SHROOM2: variants seen among roughly 807,000 people sequenced by gnomAD.
SHROOM2 encodes protein Shroom2.
A neutral mutation model predicts 75.9 loss-of-function variants in SHROOM2; 33 were observed. That is an observed-to-expected ratio of 0.43 (90% CI 0.33 to 0.58). The LOEUF (loss-of-function observed/expected upper bound fraction) is 0.58, where lower values mean the gene tolerates loss of function less well. SHROOM2 is among the 20% of genes least tolerant of loss of function. SHROOM2 has a pLI of 0.04. For synonymous variants in SHROOM2, 655 were observed against 663.6 expected (o/e 0.99, Z 0.20); for missense variants, 1,434 against 1,461.2 (o/e 0.98, Z 0.30).
intron 5 of SHROOM2, among the ~76,000 whole-genome samples, chrX:9,928,743 C>G (rs181531016): frequency 0.013 from 1,399 of 110,635 alleles, 29 homozygotes; most frequent in African/African-American, 0.044. Context: ...ACATACACAA[C>G]CCAGGCGTAC....
At chrX:9,917,030 G>A (rs1264652556) in intron 5 of SHROOM2, among the ~76,000 whole-genome samples, 1 of 111,818 alleles carries the variant, frequency 8.9e-6, no homozygotes, top group Non-Finnish European at 1.9e-5. Context: ...CGCAGAAGGT[G>A]TAGCCACCAG....
In SHROOM2 at chrX:9,895,137, CCTCTCTGTCCAG is replaced by C. The variant is rs766429043; in HGVS notation, c.1233_1244del (p.Leu412_Ser415del). 1,906 of 1,210,774 alleles carry C rather than the reference CCTCTCTGTCCAG, an allele frequency of 1.6e-3. 15 individuals are homozygous for C. In the East Asian group the frequency reaches 0.036, roughly 23 times the overall value. ...GATGGAGCTTCCAGTAGGCTGCAGG[CCTCTCTGTCCAG>C]CTCAGATGTGCGCTTCCCTCAGTCT... is the stretch of plus-strand genomic sequence containing the variant. On this transcript the variant is annotated inframe_deletion, in exon 4 of 10. Transcript: ENST00000380913.
At chrX:9,867,572 AT>A (rs1220929211) in intron 1 of SHROOM2, among the ~76,000 whole-genome samples, 1 of 111,636 alleles carries the variant, frequency 9.0e-6, no homozygotes, top group African/African-American at 3.3e-5. Context: ...AATGAGCATC[AT>A]TGTGATGCTA....
intron 1 of SHROOM2, among the ~76,000 whole-genome samples, chrX:9,794,348 G>GTCTTC (rs60316813): frequency 2.7e-3 from 296 of 110,521 alleles, no homozygotes; most frequent in Non-Finnish European, 3.6e-3. Context: ...TAATAAATTA[G>GTCTTC]TCTTCTCTTC....
At chrX:9,811,105 A>G (rs2083789404) in intron 1 of SHROOM2, among the ~76,000 whole-genome samples, 1 of 111,910 alleles carries the variant, frequency 8.9e-6, no homozygotes, top group Admixed American at 9.5e-5. Context: ...AGTGAGGACA[A>G]CCCTCTGCCC....
chrX:9,820,852 T>G (rs1333467069), intron 1 of SHROOM2, among the ~76,000 whole-genome samples: 3 of 112,358 alleles, frequency 2.7e-5, no homozygotes, highest in Non-Finnish European at 5.6e-5. Context: ...GAGTAAATAT[T>G]TTTGGCTCTG....
chrX:9,902,177 G>A (rs1219588978), intron 5 of SHROOM2, among the ~76,000 whole-genome samples: 3 of 110,779 alleles, frequency 2.7e-5, no homozygotes, highest in Admixed American at 1.9e-4. Flanking sequence ...GTGTATGGAT[G>A]GATGGATGGG....
At chrX:9,797,506 C>T (rs1280100758) in intron 1 of SHROOM2, among the ~76,000 whole-genome samples, 3 of 112,786 alleles carry the variant, frequency 2.7e-5, no homozygotes, top group East Asian at 2.8e-4. Context: ...GCGGAATATA[C>T]GGTGCTTCTT....
intron 1 of SHROOM2, among the ~76,000 whole-genome samples, chrX:9,796,417 C>CT (rs2083695423): frequency 9.1e-6 from 1 of 109,480 alleles, no homozygotes; most frequent in African/African-American, 3.3e-5. Context: ...GAGTGAGACT[C>CT]TGTCTCAAAA....
At chrX:9,875,916 C>G (rs190388762) in intron 2 of SHROOM2, among the ~76,000 whole-genome samples, 1 of 112,639 alleles carries the variant, frequency 8.9e-6, no homozygotes. Flanking sequence ...TAAAGATAGA[C>G]AGTCTAAAAT....
intron 2 of SHROOM2, among the ~76,000 whole-genome samples, chrX:9,880,483 G>A: frequency 8.8e-6 from 1 of 113,265 alleles, no homozygotes; most frequent in Non-Finnish European, 1.9e-5. Context: ...TGCTTTCAGT[G>A]TGTTGCCAAG....
Position 9,850,564 on chromosome X carries a change from C to T in SHROOM2, c.166-23088C>T, listed in dbSNP as rs1240876965. The stretch of plus-strand genomic sequence containing the variant: ...CCTTATGAAAATGACCTAAGCCAGG[C>T]GTGGTGGTGCACGCCTGTAATCCCA... On this transcript the variant is annotated intron_variant, in intron 1 of 9. Transcript: ENST00000380913. 2.7e-5 allele frequency among the ~76,000 whole-genome samples: 3 copies of T among 111,490 alleles called. No homozygotes were observed. In the East Asian group the frequency reaches 8.5e-4, roughly 31 times the overall value.
chrX:9,908,956 T>TAAATAAATAAATAAATAAAC (rs1377793325), intron 5 of SHROOM2, among the ~76,000 whole-genome samples: 32 of 108,539 alleles, frequency 2.9e-4, no homozygotes, highest in Non-Finnish European at 2.3e-4. Context: ...AATAAATAAA[T>TAAATAAATAAATAAATAAAC]AAATAAATAA....
chrX:9,914,076 CCCCTCCCGCCCCGATCACCACCAA>C (rs1286655830), intron 5 of SHROOM2, among the ~76,000 whole-genome samples: 1 of 87,610 alleles, frequency 1.1e-5, no homozygotes, highest in Non-Finnish European at 2.2e-5. Context: ...TGCCCCCCCG[CCCCTCCCGCCCCGATCACCACCAA>C]CCCAAACCAA....
chrX:9,919,731 G>A (rs764875339), intron 5 of SHROOM2, among the ~76,000 whole-genome samples: 1 of 111,299 alleles, frequency 9.0e-6, no homozygotes, highest in Non-Finnish European at 1.9e-5. Flanking sequence ...GCATGCATAG[G>A]TAGGGCAGGG....
At chrX:9,922,820 C>A (rs1322414080) in intron 5 of SHROOM2, among the ~76,000 whole-genome samples, 1 of 110,680 alleles carries the variant, frequency 9.0e-6, no homozygotes, top group African/African-American at 3.3e-5. Flanking sequence ...AAGCCATGGT[C>A]TTTTCTCTCC....
In SHROOM2 at chrX:9,815,482, A is replaced by G. The variant is rs578038988; in HGVS notation, c.165+28772A>G. 4.5e-3 allele frequency among the ~76,000 whole-genome samples: 394 copies of G among 87,219 alleles called. 3 individuals carry two copies. The highest frequency in any genetic ancestry group is 0.033 in the East Asian group (98 of 2,930). The allele number at this position is 87,219 out of a possible 115,157, so 75.7% of individuals were successfully genotyped here. ...TGTGTGTGTGTGTGTGTGTGTGTGT[A>G]TATAATATCTCCTATATATCTCATA... On this transcript the variant is annotated intron_variant, in intron 1 of 9. Transcript: ENST00000380913.
rs768824305 is a variant in SHROOM2, at chrX:9,816,673, T to G, written c.165+29963T>G. On this transcript the variant is annotated intron_variant, in intron 1 of 9. Transcript: ENST00000380913. ...CCCTGCGAAGTGGACATGGGGTTGA[T>G]TCTGGGGTTCAGACAGCGAGCGGGG... Among the ~76,000 whole-genome samples the G allele has an allele frequency of 3.1e-4, 34 of 111,043 alleles. 1 individual carries two copies. Among genetic ancestry groups the G allele is most frequent in the African/African-American group, 1.1e-3 (34 of 30,510 alleles).
At chrX:9,884,368 C>CTTCTTTTT (rs1372366663) in intron 2 of SHROOM2, among the ~76,000 whole-genome samples, 54 of 62,244 alleles carry the variant, frequency 8.7e-4, no homozygotes, top group African/African-American at 1.1e-3. Context: ...TTTTTCTTTT[C>CTTCTTTTT]TTTTTTTTTT....
Sources: gnomAD v4.1 joint callset for allele counts (sites outside exome capture counted in the v4.1 genomes callset) on GRCh38, gnomAD v4.1.1 for gene constraint, MANE v1.5 for transcripts, NCBI Gene and HGNC (gene_info 2026-07-23, HGNC 2026-07-21) for gene names.